CPED1: variants seen among roughly 807,000 people sequenced by gnomAD.
CPED1 encodes the protein cadherin like and PC-esterase domain containing 1.
A neutral mutation model predicts 128.2 loss-of-function variants in CPED1; 114 were observed. The observed-to-expected ratio is 0.89, with a 90% CI of 0.76 to 1.04. The LOEUF (loss-of-function observed/expected upper bound fraction) is 1.04. Among genes scored for constraint, CPED1 ranks in the 50% least tolerant of loss-of-function variants. CPED1 has a pLI of 0.00. For synonymous variants in CPED1, 462 were observed against 426.7 expected (o/e 1.08, Z -1.02); for missense variants, 1,211 against 1,207.1 (o/e 1.00, Z -0.05).
chr7:121,171,624 C>T (rs1796650546), intron 16 of CPED1, among the ~76,000 whole-genome samples: 1 of 152,108 alleles, frequency 6.6e-6, no homozygotes, highest in South Asian at 2.1e-4. Context: ...ATATTATAGC[C>T]TAGTTGAATC....
chr7:121,258,585 T>C (rs1413989633), intron 18 of CPED1, among the ~76,000 whole-genome samples: 1 of 152,120 alleles, frequency 6.6e-6, no homozygotes, highest in Non-Finnish European at 1.5e-5. Context: ...TCAAGCCTTA[T>C]GCTGCTGTCT....
At chr7:121,007,460 G>A (rs950258755) in intron 2 of CPED1, among the ~76,000 whole-genome samples, 2 of 152,080 alleles carry the variant, frequency 1.3e-5, no homozygotes, top group African/African-American at 4.8e-5. Context: ...TTGATGGAAA[G>A]TCTTCTGATA....
At chr7:121,108,515 T>C (rs1795033492) in intron 7 of CPED1, among the ~76,000 whole-genome samples, 1 of 152,106 alleles carries the variant, frequency 6.6e-6, no homozygotes, top group Non-Finnish European at 1.5e-5. Flanking sequence ...ATAATCTTAA[T>C]TTTTTTCTAT....
chr7:121,122,491 A>G (rs1795415195), intron 7 of CPED1, among the ~76,000 whole-genome samples: 1 of 152,180 alleles, frequency 6.6e-6, no homozygotes, highest in South Asian at 2.1e-4. Flanking sequence ...TACTGAATAC[A>G]GATGTGCTGG....
chr7:121,021,361 T>C (rs1004881778), intron 3 of CPED1, among the ~76,000 whole-genome samples: 2 of 151,980 alleles, frequency 1.3e-5, no homozygotes, highest in Non-Finnish European at 2.9e-5. Flanking sequence ...CATCAGTATA[T>C]CACTTGATAT....
chr7:121,190,634 G>C (rs1476662142), intron 16 of CPED1, among the ~76,000 whole-genome samples: 1 of 152,004 alleles, frequency 6.6e-6, no homozygotes, highest in African/African-American at 2.4e-5. Context: ...TAAAATTAGA[G>C]AGGCAATGTT....
intron 16 of CPED1, among the ~76,000 whole-genome samples, chr7:121,146,723 T>C (rs117875458): frequency 0.013 from 1,929 of 152,326 alleles, 13 homozygotes; most frequent in South Asian, 0.035. Context: ...CATAATGAAC[T>C]ATTTGAGTTT....
intron 18 of CPED1, chr7:121,261,871 A>C (rs1364723061): frequency 2.9e-6 from 2 of 695,048 alleles, no homozygotes; most frequent in African/African-American, 1.9e-5. Flanking sequence ...GCAACCAAGA[A>C]ACTGGAAATA....
intron 3 of CPED1, among the ~76,000 whole-genome samples, chr7:121,041,045 T>G (rs952390382): frequency 1.3e-5 from 2 of 152,130 alleles, no homozygotes; most frequent in African/African-American, 4.8e-5. Context: ...GTTCTTCTCA[T>G]GTTTATTTCT....
In CPED1 at chr7:121,100,030, G is replaced by C. The variant is rs201996698; in HGVS notation, c.854G>C (p.Arg285Pro). 1 of 1,613,182 alleles carries C rather than the reference G, an allele frequency of 6.2e-7. No homozygotes were observed. Among genetic ancestry groups the C allele is most frequent in the African/African-American group, 1.3e-5 (1 of 74,732 alleles). Residue 285 changes from arginine to proline, a missense_variant, in exon 7 of 23, where the codon CGT (arginine) becomes CCT (proline). Coordinates refer to ENST00000310396, the MANE Select transcript of CPED1 (RefSeq NM_024913.5). The stretch of plus-strand genomic sequence containing the variant: ...TTGGTGACGTCCTTAACCCCTTTGC[G>C]TGCATTCATTCATTCGACGGGCACA... ...YVLVTSLTPL[R>P]AFIHSTGTVW...
At chr7:121,142,226 A>G (rs1326109360) in intron 16 of CPED1, 85 bp downstream of exon 16, 3 of 1,258,938 alleles carry the variant, frequency 2.4e-6, no homozygotes, top group Non-Finnish European at 3.3e-6. Context: ...AAATTATTAC[A>G]AGAAATTGTA....
intron 7 of CPED1, among the ~76,000 whole-genome samples, chr7:121,103,673 G>T (rs1245823122): frequency 1.3e-5 from 2 of 150,016 alleles, no homozygotes; most frequent in South Asian, 2.1e-4. Context: ...ACATAATTTT[G>T]TGTGTGTGTG....
Position 121,133,828 on chromosome 7 carries a change from C to A in CPED1, c.1583C>A (p.Ser528Tyr). The A allele has an allele frequency of 6.3e-7, 1 of 1,596,348 alleles. No individual in the cohort carries two copies. The highest frequency in any genetic ancestry group is 8.5e-7 in the Non-Finnish European group (1 of 1,170,782). The stretch of plus-strand genomic sequence containing the variant: ...GTTTGGCATTGCATTTGCAGGAATT[C>A]TTTCACAGAAGATAAGAACATTGAA... ...KTQPHPLEWN[S>Y]FTEDKNIEKP... The change falls in exon 13 of 23, where the codon TCT (serine) becomes TAT (tyrosine). Residue 528 changes from serine (S) to tyrosine (Y), a missense_variant. Transcript: ENST00000310396.
At chr7:121,271,262 C>T (rs1792222797) in intron 21 of CPED1, 22 bp from the exon 22 acceptor site, 2 of 1,581,428 alleles carry the variant, frequency 1.3e-6, no homozygotes, top group African/African-American at 2.7e-5. Context: ...TAAAAATTCT[C>T]ATTCTTCTGC....
intron 16 of CPED1, among the ~76,000 whole-genome samples, chr7:121,165,455 T>C (rs1796501910): frequency 6.6e-6 from 1 of 152,228 alleles, no homozygotes; most frequent in Admixed American, 6.5e-5. Context: ...GACACAATTT[T>C]GTATGAGTAG....
At chr7:120,990,014 TG>T (rs1411307187) in intron 2 of CPED1, 144 bp downstream of exon 2, 31 of 928,718 alleles carry the variant, frequency 3.3e-5, no homozygotes, top group African/African-American at 4.9e-5. Context: ...ACCTGATGAC[TG>T]GGAAACACGT....
intron 3 of CPED1, among the ~76,000 whole-genome samples, chr7:121,034,545 C>T (rs963274798): frequency 2.0e-5 from 3 of 152,026 alleles, no homozygotes; most frequent in Admixed American, 6.6e-5. Context: ...TGCGCCTGGC[C>T]GACATCAAGT....
chr7:121,276,737 T>C (rs762382267), intron 22 of CPED1, among the ~76,000 whole-genome samples: 38 of 152,126 alleles, frequency 2.5e-4, no homozygotes, highest in Non-Finnish European at 4.9e-4. Context: ...TCCCATAGAA[T>C]AATGTGAACC....
intron 5 of CPED1, among the ~76,000 whole-genome samples, chr7:121,069,195 G>T (rs1793930002): frequency 6.6e-6 from 1 of 152,110 alleles, no homozygotes; most frequent in Non-Finnish European, 1.5e-5. Flanking sequence ...GATAGATAGA[G>T]CAGTGTCTCC....
Sources: allele counts gnomAD v4.1 joint callset (sites outside exome capture counted in the v4.1 genomes callset), GRCh38; gene constraint gnomAD v4.1.1; transcripts MANE v1.5; gene names NCBI Gene and HGNC (gene_info 2026-07-23, HGNC 2026-07-21).